The following MROH2A variants were observed in gnomAD, a reference collection of about 807,000 sequenced individuals.
The protein encoded by MROH2A is maestro heat-like repeat-containing protein family member 2A.
In MROH2A, 174 loss-of-function variants were observed where a neutral mutation model predicts 200.4. The ratio of observed to expected loss-of-function variants is 0.87; its 90% CI spans 0.77 to 0.98. The LOEUF is 0.98. MROH2A is among the 50% of genes least tolerant of loss of function. The pLI is 0.00. For synonymous variants in MROH2A, 829 were observed against 840.4 expected, an observed-to-expected ratio of 0.99 and a Z score of 0.23; for missense variants, 2,045 against 2,139.6, an observed-to-expected ratio of 0.96 and a Z score of 0.87.
chr2:233,817,387 G>A (rs1703611047), intron 27 of MROH2A, among the ~76,000 whole-genome samples: 1 of 152,164 alleles, frequency 6.6e-6, no homozygotes, highest in South Asian at 2.1e-4. Flanking sequence ...GGATGATGGA[G>A]TCAGGGTCTG....
At chr2:233,793,133 G>A (rs1424978568) in intron 6 of MROH2A, among the ~76,000 whole-genome samples, 3 of 152,176 alleles carry the variant, frequency 2.0e-5, no homozygotes, top group African/African-American at 4.8e-5. Flanking sequence ...AAGCTGCAAC[G>A]GTGACTCCAT....
chr2:233,813,754 A>G lies in MROH2A; in HGVS notation c.2736A>G (p.Pro912=). 2 of 1,546,874 alleles carry G rather than the reference A, an allele frequency of 1.3e-6. No homozygotes were observed. Among genetic ancestry groups the G allele is most frequent in the Non-Finnish European group, 1.7e-6 (2 of 1,143,628 alleles). The change falls in exon 25 of 42, where the codon CCA becomes CCG. Residue 912 remains proline, a synonymous_variant. Coordinates refer to ENST00000389758, the MANE Select transcript of MROH2A (RefSeq NM_001394639.1). ...ATTCTGTAATTTCTCTCCAACTCCC[A>G]GGAGAGGACAATGAGTCCATTAAGG... ...SIHSVISLQL[P]GEDNESIKTL... is the part of the protein sequence containing the mutation.
Position 233,794,509 on chromosome 2 carries a change from G to A in MROH2A, c.966+3G>A, listed in dbSNP as rs1485366151. On this transcript the variant is annotated splice_donor_region_variant and intron_variant, in intron 8 of 41. Coordinates refer to ENST00000389758, the MANE Select transcript of MROH2A (RefSeq NM_001394639.1). ...TGGAGGTGCTCTTCGTCACGCAGGC[G>A]AGTGGCCAGGCAGCCACGGCTCTGG... 4.1e-6 allele frequency: 6 copies of A among 1,477,378 alleles called. No homozygotes were observed. The highest frequency in any genetic ancestry group is 3.9e-5 in the Admixed American group (2 of 50,826). The allele number at this position is 1,477,378 out of a possible 1,614,324, so 91.5% of individuals were successfully genotyped here. A position where few individuals can be genotyped will look rare whatever the true frequency, so the allele number is the denominator to read the frequency against.
intron 5 of MROH2A, among the ~76,000 whole-genome samples, chr2:233,792,399 G>A (rs1450337081): frequency 6.7e-6 from 1 of 150,010 alleles, no homozygotes; most frequent in African/African-American, 2.5e-5. Context: ...TGCAAGCTCC[G>A]CCTCCCGGGT....
chr2:233,787,632 T>C (rs1422127491), intron 3 of MROH2A, among the ~76,000 whole-genome samples: 2 of 62,310 alleles, frequency 3.2e-5, no homozygotes, highest in Non-Finnish European at 5.2e-5. Flanking sequence ...ATATATATTA[T>C]ATATATTATA....
Position 233,807,791 on chromosome 2 carries a change from T to A in MROH2A, c.2231T>A (p.Val744Glu). The change falls in exon 21 of 42, where the codon GTG becomes GAG. Residue 744 changes from valine (V) to glutamate (E), a missense_variant. This residue lies in a region of MROH2A where 1,201 missense variants were observed against 1,311.3 expected (regional missense o/e 0.92). Transcript: ENST00000389758. This position sits in a 1 kb window ranked among gnomAD's most constrained non-coding sequence, Gnocchi z 4.3. ...GGCCAGGTAAAAACGGTGCTGAATG[T>A]GCTTCATGACTTCGAGGAGAGGATC... Reference protein sequence around the residue: ...ARGQVKTVLNVLHDFEERIQE... With the variant: ...ARGQVKTVLNELHDFEERIQE... 1 of 1,550,886 alleles carries A rather than the reference T, an allele frequency of 6.4e-7. No individual in the cohort carries two copies. The highest frequency in any genetic ancestry group is 8.7e-7 in the Non-Finnish European group (1 of 1,147,062).
At chr2:233,833,019 T>A in intron 41 of MROH2A, 119 bp from the exon 42 acceptor site, 3 of 1,246,998 alleles carry the variant, frequency 2.4e-6, no homozygotes, top group Non-Finnish European at 3.3e-6. Context: ...ACACAGGAGT[T>A]TCCCCGTCTG....
At position 233,810,794 on chromosome 2, in the gene MROH2A, G is replaced by A. The variant is rs1197343593; in HGVS notation, c.2449G>A (p.Asp817Asn). Residue 817 changes from aspartate to asparagine, a missense_variant and splice_region_variant, in exon 23 of 42, where the codon GAC becomes AAC. Asp to Asn is a conservative substitution (Grantham distance 23, BLOSUM62 1). This residue lies in a region of MROH2A where 1,201 missense variants were observed against 1,311.3 expected (regional missense o/e 0.92). Coordinates refer to ENST00000389758, the MANE Select transcript of MROH2A (RefSeq NM_001394639.1). ...IIHHYVSSCQ[D>N]ICLKMAFMKS... is the part of the protein sequence containing the mutation. ...CCTCCTTTTCCCCTTCTGGGCTCAG[G>A]ACATCTGTCTCAAAATGGCCTTCAT... The A allele has an allele frequency of 1.3e-6, 2 of 1,550,216 alleles. No individual in the cohort carries two copies. The highest frequency in any genetic ancestry group is 8.7e-7 in the Non-Finnish European group (1 of 1,146,700).
At position 233,802,346 on chromosome 2, in the gene MROH2A, T is replaced by C. The variant is rs564830075; in HGVS notation, c.1708+31T>C. 1.1e-5 allele frequency: 17 copies of C among 1,536,038 alleles called. No individual in the cohort carries two copies. The African/African-American group carries it at 2.1e-4, about 19-fold the overall frequency. On this transcript the variant is annotated intron_variant, in intron 15 of 41. Coordinates refer to ENST00000389758, the MANE Select transcript of MROH2A (RefSeq NM_001394639.1). ...CAAAGTTCCTGTCCAGCTGATTGGA[T>C]TGGGCAGGTGGGCTGGCTCCTTGTC...
intron 27 of MROH2A, among the ~76,000 whole-genome samples, 164 bp from the exon 28 acceptor site, chr2:233,817,838 G>T (rs1162476330): frequency 1.3e-5 from 2 of 152,222 alleles, no homozygotes; most frequent in African/African-American, 4.8e-5. Context: ...GGCAGGGGAG[G>T]CTGATGCTTG....
In MROH2A at chr2:233,810,052, G is replaced by T. The variant is rs574909200; in HGVS notation, c.2449-742G>T. 2.6e-5 allele frequency among the ~76,000 whole-genome samples: 4 copies of T among 152,178 alleles called. No homozygotes were observed. The East Asian group carries it at 7.7e-4, about 29-fold the overall frequency. ...TTTCATTTATCATAATGTTCTCAAG[G>T]TTCATCCATGTAAAAGCAATCATTT... On this transcript the variant is annotated intron_variant, in intron 22 of 41. Coordinates refer to ENST00000389758, the MANE Select transcript of MROH2A (RefSeq NM_001394639.1).
In MROH2A at chr2:233,831,494, C is replaced by G. The variant is rs1704748196; in HGVS notation, c.4688C>G (p.Thr1563Ser). 1 of 1,550,404 alleles carries G rather than the reference C, an allele frequency of 6.4e-7. No individual in the cohort carries two copies. The highest frequency in any genetic ancestry group is 8.7e-7 in the Non-Finnish European group (1 of 1,146,984). Residue 1563 changes from threonine to serine, a missense_variant, in exon 39 of 42, where the codon ACT becomes AGT. Thr to Ser is a moderately conservative substitution (Grantham distance 58). Coordinates refer to ENST00000389758, the MANE Select transcript of MROH2A (RefSeq NM_001394639.1). ...EHPSGPSDTATDDKMTVFQTT... is the reference protein window; with the variant it reads ...EHPSGPSDTASDDKMTVFQTT... ...CCCTCAGGGCCAAGTGATACCGCTA[C>G]TGATGACAAGATGACCGTTTTCCAG...
At position 233,819,961 on chromosome 2, in the gene MROH2A, G is replaced by A. The variant is rs963552809; in HGVS notation, c.3417G>A (p.Val1139=). The change falls in exon 31 of 42, where the codon GTG becomes GTA. Residue 1139 remains valine (V), a synonymous_variant. Coordinates refer to ENST00000389758, the MANE Select transcript of MROH2A (RefSeq NM_001394639.1). ...TGCCGGTGGTGGACCACCCAGAGGT[G>A]CGGCGCCTTCTCATTGACGGCATCC... is the stretch of plus-strand genomic sequence containing the variant. ...VHLPVVDHPE[V]RRLLIDGILL... 6.5e-7 allele frequency: 1 copy of A among 1,546,626 alleles called. No homozygotes were observed. The highest frequency in any genetic ancestry group is 1.2e-5 in the South Asian group (1 of 83,808).
intron 5 of MROH2A, among the ~76,000 whole-genome samples, chr2:233,790,482 TCCC>T (rs537054118): frequency 7.3e-5 from 3 of 41,350 alleles, no homozygotes; most frequent in African/African-American, 5.8e-4. Flanking sequence ...CCTTCCTTCC[TCCC>T]TCCCTCCTTC....
chr2:233,800,338 G>A (rs753739544), intron 14 of MROH2A, 23 bp downstream of exon 14: 157 of 1,396,044 alleles, frequency 1.1e-4, no homozygotes, highest in Non-Finnish European at 1.3e-4. Flanking sequence ...TGCCCCACCC[G>A]CACAGTGGGT....
At position 233,830,792 on chromosome 2, in the gene MROH2A, G is replaced by C. The variant is rs1704681076; in HGVS notation, c.4603-617G>C. Among the ~76,000 whole-genome samples the C allele has an allele frequency of 3.3e-5, 5 of 152,174 alleles. No homozygotes were observed. The South Asian group carries it at 8.3e-4, about 25-fold the overall frequency. The stretch of plus-strand genomic sequence containing the variant: ...TGCCACACCATCCCTGGCCACCCTG[G>C]GCACAAGGTGTCACTGCCCAGAGGC... On this transcript the variant is annotated intron_variant, in intron 38 of 41. Coordinates refer to ENST00000389758, the MANE Select transcript of MROH2A (RefSeq NM_001394639.1).
chr2:233,823,729 T>A (rs62192269), intron 35 of MROH2A, 65 bp downstream of exon 35: 16,738 of 1,523,510 alleles, frequency 0.011, 128 homozygotes, highest in Non-Finnish European at 0.012. Flanking sequence ...TGGATTCTTC[T>A]GGGGATGGCT....
At chr2:233,776,103 A>T (rs998202407), upstream of MROH2A, among the ~76,000 whole-genome samples, 22 of 152,276 alleles carry the variant, frequency 1.4e-4, 1 homozygote, top group Admixed American at 1.3e-4. Context: ...GTATTTCTTC[A>T]TAGCAGTATG....
Position 233,809,284 on chromosome 2 carries a change from C to T in MROH2A, c.2448+6C>T, listed in dbSNP as rs1422720876. ...ATTATGTCAGCAGCTGCCAGGTAGC[C>T]CCATCTGCTGCCTGGGGGGATGTCT... On this transcript the variant is annotated splice_donor_region_variant and intron_variant, in intron 22 of 41. Transcript: ENST00000389758. 6.5e-7 allele frequency: 1 copy of T among 1,548,250 alleles called. No homozygotes were observed. Among genetic ancestry groups the T allele is most frequent in the African/African-American group, 1.4e-5 (1 of 73,118 alleles).
Sources: gnomAD v4.1 joint callset for allele counts (sites outside exome capture counted in the v4.1 genomes callset) on GRCh38, gnomAD v4.1.1 for gene constraint, gnomAD v4.1.1 regional missense constraint, Gnocchi (gnomAD v3.1) non-coding constraint, MANE v1.5 for transcripts, NCBI Gene and HGNC (gene_info 2026-07-23, HGNC 2026-07-21) for gene names.